DOCK2: variants seen among roughly 807,000 people sequenced by gnomAD.
DOCK2 encodes dedicator of cytokinesis protein 2.
Under a neutral mutation model 248.9 loss-of-function variants are expected in DOCK2, and 87 were observed. The ratio of observed to expected loss-of-function variants is 0.35; its 90% CI spans 0.29 to 0.42. The LOEUF is 0.42. Among genes scored for constraint, DOCK2 ranks in the 10% least tolerant of loss-of-function variants. DOCK2 has a pLI of 1.00. For synonymous variants in DOCK2, 805 were observed against 821.6 expected, an observed-to-expected ratio of 0.98 and a Z score of 0.35; for missense variants, 1,747 against 2,300.2, an observed-to-expected ratio of 0.76 and a Z score of 4.92.
At chr5:170,009,025 C>T (rs946506726) in intron 32 of DOCK2, among the ~76,000 whole-genome samples, 3 of 151,910 alleles carry the variant, frequency 2.0e-5, no homozygotes, top group Admixed American at 2.0e-4. Flanking sequence ...ATAAGAGGGA[C>T]CAGGACTGTC....
At chr5:169,908,788 C>T (rs1774436657) in intron 27 of DOCK2, among the ~76,000 whole-genome samples, 1 of 146,862 alleles carries the variant, frequency 6.8e-6, no homozygotes, top group African/African-American at 2.5e-5. Flanking sequence ...GATGTCAGCT[C>T]ACTGCAACCT....
chr5:169,954,767 C>T (rs185418431), intron 27 of DOCK2, among the ~76,000 whole-genome samples: 1 of 152,268 alleles, frequency 6.6e-6, no homozygotes, highest in African/African-American at 2.4e-5. Flanking sequence ...GCTCTCAAAA[C>T]CCAGGGGAGT....
intron 8 of DOCK2, among the ~76,000 whole-genome samples, chr5:169,684,944 CT>C (rs1759877775): frequency 6.6e-6 from 1 of 152,208 alleles, no homozygotes; most frequent in Non-Finnish European, 1.5e-5. Flanking sequence ...CCACTGCTAC[CT>C]GCCAATATCT....
In DOCK2 at chr5:169,684,324, C is replaced by T. The variant is rs374307327; in HGVS notation, c.735C>T (p.Tyr245=). 56 of 1,614,024 alleles carry T rather than the reference C, an allele frequency of 3.5e-5. No homozygotes were observed. The highest frequency in any genetic ancestry group is 2.0e-4 in the East Asian group (9 of 44,888). Reference sequence around the variant, plus strand: ...ATGCTGAGCTCTTCATGTCTCTCTACGACCCCAACAAGCAAACGGTCATAA... The same window carrying T: ...ATGCTGAGCTCTTCATGTCTCTCTATGACCCCAACAAGCAAACGGTCATAA... ...GEDAELFMSL[Y]DPNKQTVISE... is the part of the protein sequence containing the mutation. The change falls in exon 8 of 52, where the codon TAC becomes TAT. Residue 245 remains tyrosine (Y), a synonymous_variant. Coordinates refer to ENST00000520908, the MANE Select transcript of DOCK2 (RefSeq NM_004946.3).
intron 27 of DOCK2, among the ~76,000 whole-genome samples, chr5:169,874,123 A>G (rs1271397917): frequency 6.6e-6 from 1 of 152,166 alleles, no homozygotes; most frequent in East Asian, 1.9e-4. Context: ...TGATTAAAAT[A>G]AAAAAGCGGC....
chr5:169,835,545 G>A (rs1769518281), intron 26 of DOCK2, among the ~76,000 whole-genome samples: 2 of 151,990 alleles, frequency 1.3e-5, no homozygotes, highest in African/African-American at 2.4e-5. Flanking sequence ...ATGAGTCAGC[G>A]GGCCTGGCCA....
intron 27 of DOCK2, among the ~76,000 whole-genome samples, chr5:169,923,487 A>G (rs1009897925): frequency 3.7e-4 from 52 of 142,126 alleles, no homozygotes; most frequent in Middle Eastern, 3.6e-3. Flanking sequence ...ACGTGGGCAC[A>G]CACACACACA....
intron 32 of DOCK2, among the ~76,000 whole-genome samples, chr5:170,011,224 T>C (rs191558919): frequency 1.3e-5 from 2 of 152,308 alleles, no homozygotes; most frequent in Admixed American, 1.3e-4. Flanking sequence ...TAGAGGGTTT[T>C]CTAGGGGGAA....
intron 27 of DOCK2, among the ~76,000 whole-genome samples, chr5:169,870,635 G>T (rs1771901615): frequency 6.6e-6 from 1 of 151,134 alleles, no homozygotes; most frequent in South Asian, 2.1e-4. Context: ...TAAGTTTTAG[G>T]GTACATGTGC....
intron 26 of DOCK2, among the ~76,000 whole-genome samples, chr5:169,831,672 G>T (rs1052332810): frequency 6.6e-6 from 1 of 152,168 alleles, no homozygotes; most frequent in Non-Finnish European, 1.5e-5. Context: ...ATATGTGCTT[G>T]CAGGATTCCT....
At chr5:169,916,596 G>A (rs1774887001) in intron 27 of DOCK2, among the ~76,000 whole-genome samples, 1 of 152,200 alleles carries the variant, frequency 6.6e-6, no homozygotes, top group South Asian at 2.1e-4. Flanking sequence ...TTCATAGGAT[G>A]AAACAAGTTA....
chr5:169,685,662 G>C (rs1759925277), intron 8 of DOCK2, among the ~76,000 whole-genome samples: 1 of 152,188 alleles, frequency 6.6e-6, no homozygotes, highest in African/African-American at 2.4e-5. Flanking sequence ...CCATGCCTGA[G>C]GAATAGTGGT....
intron 26 of DOCK2, among the ~76,000 whole-genome samples, chr5:169,813,280 CAAA>C (rs1231614005): frequency 6.6e-6 from 1 of 152,162 alleles, no homozygotes; most frequent in Non-Finnish European, 1.5e-5. Flanking sequence ...TCTCAAAACT[CAAA>C]AACTTCCCGA....
At chr5:169,806,926 C>G (rs893160237) in intron 26 of DOCK2, among the ~76,000 whole-genome samples, 10 of 151,252 alleles carry the variant, frequency 6.6e-5, no homozygotes, top group South Asian at 4.2e-4. Context: ...CTCCGCCCTC[C>G]TCACCCTTCA....
intron 25 of DOCK2, among the ~76,000 whole-genome samples, chr5:169,766,271 A>T (rs1764785297): frequency 6.6e-6 from 1 of 152,074 alleles, no homozygotes; most frequent in South Asian, 2.1e-4. Flanking sequence ...CGCTCTTTGC[A>T]TCCATGTGAA....
At chr5:169,813,157 C>T (rs1052485631) in intron 26 of DOCK2, among the ~76,000 whole-genome samples, 2 of 152,126 alleles carry the variant, frequency 1.3e-5, no homozygotes, top group South Asian at 2.1e-4. Flanking sequence ...TCACAAGAAC[C>T]GAGTATTAAA....
At chr5:169,945,926 C>T (rs1776430820) in intron 27 of DOCK2, among the ~76,000 whole-genome samples, 1 of 152,198 alleles carries the variant, frequency 6.6e-6, no homozygotes, top group African/African-American at 2.4e-5. Flanking sequence ...CGAGCATCCC[C>T]CACACTGCTG....
Position 169,829,990 on chromosome 5 carries a change from TA to T in DOCK2, c.2704-10765del, listed in dbSNP as rs548430216. Among the ~76,000 whole-genome samples the T allele has an allele frequency of 1.7e-3, 258 of 152,364 alleles. 2 individuals carry two copies. The highest frequency in any genetic ancestry group is 3.1e-3 in the Non-Finnish European group (209 of 68,026). Reference sequence around the variant, plus strand: ...GCTATCTCCTATTCTATTGTGTGGATAAGCCATCATTTATATAATAGGATCC... The same window carrying T: ...GCTATCTCCTATTCTATTGTGTGGATAGCCATCATTTATATAATAGGATCC... On this transcript the variant is annotated intron_variant, in intron 26 of 51. Coordinates refer to ENST00000520908, the MANE Select transcript of DOCK2 (RefSeq NM_004946.3).
At chr5:169,739,054 A>G (rs969701249) in intron 22 of DOCK2, among the ~76,000 whole-genome samples, 3 of 152,210 alleles carry the variant, frequency 2.0e-5, no homozygotes, top group Non-Finnish European at 2.9e-5. Flanking sequence ...AACTGGCACC[A>G]TTAGCAAGGA....
Sources: gnomAD v4.1 joint callset for allele counts (sites outside exome capture counted in the v4.1 genomes callset) on GRCh38, gnomAD v4.1.1 for gene constraint, MANE v1.5 for transcripts, NCBI Gene and HGNC (gene_info 2026-07-23, HGNC 2026-07-21) for gene names.